Variants in BAZ2B observed in about 807,000 individuals in gnomAD.
The protein encoded by BAZ2B is bromodomain adjacent to zinc finger domain protein 2B.
Under a neutral mutation model 246.0 loss-of-function variants are expected in BAZ2B, and 91 were observed. That is an observed-to-expected ratio of 0.37 (90% CI 0.31 to 0.44). The LOEUF (loss-of-function observed/expected upper bound fraction) is 0.44. Ranked by LOEUF, BAZ2B falls within the 20% of genes least tolerant of loss-of-function variation. BAZ2B has a pLI of 1.00. For missense variants in BAZ2B, 2,332 were observed against 2,533.7 expected, an observed-to-expected ratio of 0.92 and a Z score of 1.71; for synonymous variants, 855 against 860.0, an observed-to-expected ratio of 0.99 and a Z score of 0.10.
At chr2:159,405,213 T>A in intron 14 of BAZ2B, 99 bp from the exon 15 acceptor site, 2 of 937,434 alleles carry the variant, frequency 2.1e-6, no homozygotes, top group African/African-American at 2.5e-5. Flanking sequence ...AAGGATATAA[T>A]TATTACTTTT....
At chr2:159,624,303 A>T in the BAZ2B span, among the ~76,000 whole-genome samples, 1 of 152,218 alleles carries the variant, frequency 6.6e-6, no homozygotes, top group South Asian at 2.1e-4. Context: ...ATGGCTCTGA[A>T]GCCAGCAGCG....
chr2:159,395,849 A>C lies in BAZ2B; in HGVS notation c.3010-15T>G. On this transcript the variant is annotated splice_polypyrimidine_tract_variant and intron_variant, in intron 19 of 36. Coordinates refer to ENST00000392783, the MANE Select transcript of BAZ2B (RefSeq NM_013450.4). Reference sequence around the variant, plus strand: ...CGCTCTCGTTCCTATTAGGCCAGATAAAATGTGGAAAATAACTCAGCCACA... The same window carrying C: ...CGCTCTCGTTCCTATTAGGCCAGATCAAATGTGGAAAATAACTCAGCCACA... 1.9e-6 allele frequency: 3 copies of C among 1,588,282 alleles called. No individual in the cohort carries two copies. Among genetic ancestry groups the C allele is most frequent in the Non-Finnish European group, 2.6e-6 (3 of 1,167,982 alleles).
intron 18 of BAZ2B, among the ~76,000 whole-genome samples, chr2:159,398,568 G>T (rs1181755057): frequency 1.3e-5 from 2 of 151,804 alleles, no homozygotes; most frequent in Non-Finnish European, 2.9e-5. Context: ...ACTACATACA[G>T]GTATTAAGCA....
chr2:159,412,680 A>C (rs1370360633), intron 13 of BAZ2B, 135 bp from the exon 14 acceptor site: 3 of 771,086 alleles, frequency 3.9e-6, no homozygotes, highest in African/African-American at 3.5e-5. Context: ...TAGGAATTTC[A>C]TTTTTAAATT....
At chr2:159,380,061 A>C (rs1191682041) in intron 25 of BAZ2B, among the ~76,000 whole-genome samples, 1 of 151,856 alleles carries the variant, frequency 6.6e-6, no homozygotes, top group Non-Finnish European at 1.5e-5. Context: ...CCTTTGACCT[A>C]CTCTTCAAAG....
At chr2:159,504,359 T>C (rs2082119921) in intron 2 of BAZ2B, among the ~76,000 whole-genome samples, 1 of 152,076 alleles carries the variant, frequency 6.6e-6, no homozygotes, top group African/African-American at 2.4e-5. Context: ...ATGAGGGTCT[T>C]ACCATGTTGC....
At chr2:159,369,564 A>G (rs969218903) in intron 27 of BAZ2B, among the ~76,000 whole-genome samples, 3 of 152,128 alleles carry the variant, frequency 2.0e-5, no homozygotes, top group Non-Finnish European at 4.4e-5. Flanking sequence ...TGTTGCAAAG[A>G]GACTGATTTC....
Position 159,325,737 on chromosome 2 carries a change from G to C in BAZ2B, c.6125C>G (p.Thr2042Ser). The change falls in exon 35 of 37, where the codon ACT (threonine) becomes AGT (serine). Residue 2042 changes from threonine to serine, a missense_variant. This residue lies in a region of BAZ2B where 210 missense variants were observed against 232.5 expected (regional missense o/e 0.90). Coordinates refer to ENST00000392783, the MANE Select transcript of BAZ2B (RefSeq NM_013450.4). The stretch of plus-strand genomic sequence containing the variant: ...TTCTTGTTTTGACAAGTTAATAGAA[G>C]TGTTTTCCTCCATTTTTCTTTTCTT... The part of the protein sequence containing the change: ...DLKKRKMEEN[T>S]SINLSKQESF... 6.3e-7 allele frequency: 1 copy of C among 1,598,348 alleles called. No individual in the cohort carries two copies. The highest frequency in any genetic ancestry group is 8.5e-7 in the Non-Finnish European group (1 of 1,176,404).
intron 1 of BAZ2B, among the ~76,000 whole-genome samples, chr2:159,560,725 A>C (rs1185076927): frequency 1.3e-5 from 2 of 151,920 alleles, no homozygotes; most frequent in Admixed American, 6.6e-5. Context: ...ACGGGATTTC[A>C]CCATCTTGGC....
In BAZ2B at chr2:159,438,458, A is replaced by G. The variant is rs766055433; in HGVS notation, c.1138T>C (p.Leu380=). 14 of 1,614,210 alleles carry G rather than the reference A, an allele frequency of 8.7e-6. No individual in the cohort carries two copies. Among genetic ancestry groups the G allele is most frequent in the Admixed American group, 1.7e-5 (1 of 60,032 alleles). Residue 380 remains leucine, a synonymous_variant, in exon 8 of 37, where the codon TTG becomes CTG. Transcript: ENST00000392783. ...GATAAAGGTTTCACATTGGACACCA[A>G]TCCCGTAGACTGTATTACACTGGTG... The part of the protein sequence containing the change: ...KHTSVIQSTG[L]VSNVKPLSLV...
intron 1 of BAZ2B, among the ~76,000 whole-genome samples, chr2:159,560,750 A>G (rs1017172224): frequency 2.6e-5 from 4 of 152,016 alleles, no homozygotes; most frequent in African/African-American, 9.7e-5. Flanking sequence ...GCTGGTCTCG[A>G]ACTCCTGACC....
At chr2:159,531,126 T>A (rs11885216) in intron 2 of BAZ2B, among the ~76,000 whole-genome samples, 4,031 of 152,080 alleles carry the variant, frequency 0.027, 182 homozygotes, top group African/African-American at 0.092. Context: ...GGGTATTATG[T>A]TTTATTTAAA....
intron 2 of BAZ2B, among the ~76,000 whole-genome samples, chr2:159,547,811 A>G (rs1404523599): frequency 6.6e-6 from 1 of 152,208 alleles, no homozygotes; most frequent in African/African-American, 2.4e-5. Context: ...ATTAAACAGT[A>G]GCTCATTTAG....
At chr2:159,671,445 C>T in the BAZ2B span, among the ~76,000 whole-genome samples, 1 of 152,096 alleles carries the variant, frequency 6.6e-6, no homozygotes, top group African/African-American at 2.4e-5. Context: ...AAATACTTTT[C>T]AAAGTGAACC....
intron 9 of BAZ2B, among the ~76,000 whole-genome samples, chr2:159,432,485 A>C (rs1242670965): frequency 6.6e-6 from 1 of 152,204 alleles, no homozygotes; most frequent in African/African-American, 2.4e-5. Context: ...AAATTAAGCA[A>C]GTTGATGAAA....
rs1349163135 is a variant in BAZ2B at position 159,501,214 on chromosome 2, T to TTA, written c.-2-22495_-2-22494dup. 2.3e-4 allele frequency among the ~76,000 whole-genome samples: 25 copies of TTA among 108,866 alleles called. 1 individual carries two copies. The East Asian group carries it at 3.8e-3, about 17-fold the overall frequency. The allele number at this position is 108,866 out of a possible 152,430, so 71.4% of individuals were successfully genotyped here. Reference sequence around the variant, plus strand: ...TATAATATATATATTTTTATATATATTATATATATATTTATATATATATAT... The same window carrying TTA: ...TATAATATATATATTTTTATATATATTATATATATATATTTATATATATATAT... On this transcript the variant is annotated intron_variant, in intron 2 of 36. Transcript: ENST00000392783.
intron 2 of BAZ2B, among the ~76,000 whole-genome samples, chr2:159,514,517 A>C (rs2083249000): frequency 6.6e-6 from 1 of 152,204 alleles, no homozygotes; most frequent in Non-Finnish European, 1.5e-5. Context: ...TTGATAAATT[A>C]ATGAAAAAAA....
chr2:159,663,513 G>GTTTT, the BAZ2B span, among the ~76,000 whole-genome samples: 1 of 143,156 alleles, frequency 7.0e-6, no homozygotes, highest in African/African-American at 2.6e-5. Flanking sequence ...TGTTGCTAAT[G>GTTTT]TTTTTTTTTT....
intron 33 of BAZ2B, among the ~76,000 whole-genome samples, chr2:159,336,423 T>C (rs1048487181): frequency 6.6e-6 from 1 of 152,214 alleles, no homozygotes. Context: ...TTTTAATTAG[T>C]AGAAGACAGA....
Sources: gnomAD v4.1 joint callset for allele counts (sites outside exome capture counted in the v4.1 genomes callset) on GRCh38, gnomAD v4.1.1 for gene constraint, gnomAD v4.1.1 regional missense constraint, MANE v1.5 for transcripts, NCBI Gene and HGNC (gene_info 2026-07-23, HGNC 2026-07-21) for gene names.